Variants in GXYLT2 observed in about 807,000 individuals in gnomAD.
GXYLT2 encodes glycosyltransferase 8 domain containing 4.
A neutral mutation model predicts 45.8 loss-of-function variants in GXYLT2; 53 were observed. The observed-to-expected ratio is 1.16, with a 90% CI of 0.93 to 1.46. The LOEUF (loss-of-function observed/expected upper bound fraction) is 1.46. GXYLT2 is among the 40% of genes most tolerant of loss of function. GXYLT2 has a pLI of 0.00. For missense variants in GXYLT2, 551 were observed against 544.4 expected, an observed-to-expected ratio of 1.01 and a Z score of -0.12; for synonymous variants, 219 against 214.2, an observed-to-expected ratio of 1.02 and a Z score of -0.19.
chr3:72,963,245 T>G (rs1189805096), intron 5 of GXYLT2, among the ~76,000 whole-genome samples: 2 of 152,132 alleles, frequency 1.3e-5, no homozygotes, highest in Non-Finnish European at 2.9e-5. Context: ...TTCATAATCT[T>G]AGAGATCCCA....
In GXYLT2 at chr3:72,916,074, T is replaced by C. The variant is rs573117246; in HGVS notation, c.469-6130T>C. Among the ~76,000 whole-genome samples the C allele has an allele frequency of 4.0e-5, 6 of 151,868 alleles. No homozygotes were observed. The South Asian group carries it at 1.0e-3, about 26-fold the overall frequency. ...TCTGAAGTTGGGTGTGATTGTGTGA[T>C]TTGCTTTGGCCAATGAAATGTAGGT... On this transcript the variant is annotated intron_variant, in intron 2 of 6. Transcript: ENST00000389617.
intron 3 of GXYLT2, among the ~76,000 whole-genome samples, chr3:72,953,815 G>A (rs977852551): frequency 2.0e-5 from 3 of 152,094 alleles, no homozygotes; most frequent in Admixed American, 6.5e-5. Flanking sequence ...CATTTTAGGC[G>A]GGTCACAGTG....
At chr3:72,904,897 A>G (rs1398262647) in intron 1 of GXYLT2, among the ~76,000 whole-genome samples, 1 of 146,486 alleles carries the variant, frequency 6.8e-6, no homozygotes, top group East Asian at 2.0e-4. Context: ...AAAAAAAAAA[A>G]ATTAACCAGG....
intron 3 of GXYLT2, among the ~76,000 whole-genome samples, chr3:72,923,592 C>T (rs2107103221): frequency 6.6e-6 from 1 of 152,214 alleles, no homozygotes; most frequent in South Asian, 2.1e-4. Flanking sequence ...GTTGAGTGCC[C>T]ACCAGGGTGC....
chr3:72,951,780 A>T, intron 3 of GXYLT2, among the ~76,000 whole-genome samples: 1 of 152,234 alleles, frequency 6.6e-6, no homozygotes, highest in East Asian at 1.9e-4. Context: ...TGAAATTAGA[A>T]TCTTCAAATT....
At chr3:72,929,852 G>T (rs1161146227) in intron 3 of GXYLT2, among the ~76,000 whole-genome samples, 1 of 152,196 alleles carries the variant, frequency 6.6e-6, no homozygotes, top group Non-Finnish European at 1.5e-5. Flanking sequence ...AATGTGAATG[G>T]ATTCGACAAT....
rs557698899 is a variant in GXYLT2 at position 72,912,256 on chromosome 3, T to A, written c.468+3697T>A. On this transcript the variant is annotated intron_variant, in intron 2 of 6. Transcript: ENST00000389617. ...AACACCTGACCTCAAGTAATCTACC[T>A]GCCTCAGTCTCTCAAAGTGCTGGGA... is the stretch of plus-strand genomic sequence containing the variant. Among the ~76,000 whole-genome samples the A allele has an allele frequency of 3.9e-5, 6 of 152,200 alleles. No homozygotes were observed. The South Asian group carries it at 1.2e-3, about 32-fold the overall frequency.
At chr3:72,908,652 G>A in intron 2 of GXYLT2, 93 bp downstream of exon 2, 1 of 1,069,284 alleles carries the variant, frequency 9.4e-7, no homozygotes, top group South Asian at 1.6e-5. Flanking sequence ...GTATTTTGCT[G>A]CATGTTCAAT....
chr3:72,935,231 TA>T (rs1710153830), intron 3 of GXYLT2, among the ~76,000 whole-genome samples: 1 of 152,162 alleles, frequency 6.6e-6, no homozygotes, highest in South Asian at 2.1e-4. Flanking sequence ...TTTAGAGGAT[TA>T]AAAAAACCTC....
chr3:72,949,526 T>C (rs1436438395), intron 3 of GXYLT2, among the ~76,000 whole-genome samples: 1 of 135,602 alleles, frequency 7.4e-6, no homozygotes. Context: ...TTTTTTTTTT[T>C]TTTTGAGATG....
intron 3 of GXYLT2, chr3:72,929,611 T>A (rs1709986957): frequency 1.0e-6 from 1 of 988,668 alleles, no homozygotes. Context: ...TCAGGCTAAT[T>A]TCCCCATAGC....
intron 3 of GXYLT2, among the ~76,000 whole-genome samples, chr3:72,941,729 T>C (rs139600687): frequency 4.0e-3 from 608 of 151,988 alleles, no homozygotes; most frequent in Admixed American, 8.5e-3. Context: ...TAAATAAATA[T>C]ATAGGTACAG....
chr3:72,966,900 C>T (rs1290256130), intron 5 of GXYLT2, among the ~76,000 whole-genome samples: 1 of 151,086 alleles, frequency 6.6e-6, no homozygotes, highest in African/African-American at 2.4e-5. Context: ...GCTGGGATTA[C>T]AGGCGTGAGC....
intron 1 of GXYLT2, among the ~76,000 whole-genome samples, chr3:72,892,792 G>A (rs1353015166): frequency 2.0e-5 from 3 of 152,136 alleles, no homozygotes; most frequent in East Asian, 3.8e-4. Flanking sequence ...AAAGGTGTCT[G>A]GATCTTGAGT....
At chr3:72,909,539 T>C (rs892400735) in intron 2 of GXYLT2, among the ~76,000 whole-genome samples, 1 of 152,208 alleles carries the variant, frequency 6.6e-6, no homozygotes, top group Non-Finnish European at 1.5e-5. Context: ...TTGAAAACTG[T>C]ATCATCAGCA....
chr3:72,954,399 C>CTGTGTGTGTGTGTGTGTGTGTGTGTG (rs3078688), intron 3 of GXYLT2, among the ~76,000 whole-genome samples: 5 of 133,850 alleles, frequency 3.7e-5, no homozygotes, highest in African/African-American at 1.5e-4. Context: ...TGCTCCCAGC[C>CTGTGTGTGTGTGTGTGTGTGTGTGTG]TGTGTGTGTG....
At chr3:72,969,002 C>T (rs67860258) in intron 6 of GXYLT2, among the ~76,000 whole-genome samples, 59,972 of 151,406 alleles carry the variant, frequency 0.4, 14,733 homozygotes, top group Non-Finnish European at 0.54. Context: ...ACCCAGGAGG[C>T]GGAGCTTGCA....
At chr3:72,954,401 G>C (rs903760607) in intron 3 of GXYLT2, among the ~76,000 whole-genome samples, 18 of 137,398 alleles carry the variant, frequency 1.3e-4, no homozygotes, top group African/African-American at 5.4e-4. Flanking sequence ...CTCCCAGCCT[G>C]TGTGTGTGTG....
At chr3:72,899,615 G>A (rs1559725770) in intron 1 of GXYLT2, among the ~76,000 whole-genome samples, 1 of 152,062 alleles carries the variant, frequency 6.6e-6, no homozygotes, top group Non-Finnish European at 1.5e-5. Context: ...TGGTTTGCAG[G>A]GAACTTTAGT....
Sources: gnomAD v4.1 joint callset for allele counts (sites outside exome capture counted in the v4.1 genomes callset) on GRCh38, gnomAD v4.1.1 for gene constraint, MANE v1.5 for transcripts, NCBI Gene and HGNC (gene_info 2026-07-23, HGNC 2026-07-21) for gene names.